Variants in HUWE1 observed in about 807,000 individuals in gnomAD.
HUWE1 encodes the protein E3 ubiquitin-protein ligase HUWE1.
Under a neutral mutation model 299.4 loss-of-function variants are expected in HUWE1, and 18 were observed. That is an observed-to-expected ratio of 0.06 (90% CI 0.04 to 0.09). The LOEUF (loss-of-function observed/expected upper bound fraction) is 0.09. Ranked by LOEUF, HUWE1 falls within the 10% of genes least tolerant of loss-of-function variation. The pLI, the probability that HUWE1 is intolerant of heterozygous loss-of-function variation, is 1.00. For synonymous variants in HUWE1, 1,317 were observed against 1,286.1 expected (o/e 1.02, Z -0.51); for missense variants, 1,832 against 3,462.3 (o/e 0.53, Z 11.82).
At chrX:53,662,763 G>A (rs2069066886) in intron 3 of HUWE1, among the ~76,000 whole-genome samples, 1 of 111,890 alleles carries the variant, frequency 8.9e-6, no homozygotes, top group African/African-American at 3.2e-5. Flanking sequence ...AGAAGGAAAG[G>A]AGGAGGCCCG....
intron 19 of HUWE1, among the ~76,000 whole-genome samples, chrX:53,621,734 T>C (rs1386505193): frequency 9.0e-6 from 1 of 111,641 alleles, no homozygotes; most frequent in Non-Finnish European, 1.9e-5. Context: ...ATCTATGTAT[T>C]AGTAACAGAG....
intron 7 of HUWE1, among the ~76,000 whole-genome samples, chrX:53,635,197 T>C (rs934211695): frequency 4.5e-5 from 5 of 110,022 alleles, no homozygotes; most frequent in African/African-American, 1.6e-4. Flanking sequence ...ATTACAAATA[T>C]AAAACATTTC....
chrX:53,558,844 G>A, intron 58 of HUWE1, 35 bp from the exon 59 acceptor site: 1 of 1,206,232 alleles, frequency 8.3e-7, no homozygotes, highest in Non-Finnish European at 1.1e-6. Flanking sequence ...AGGCTGCTCT[G>A]GTGGGGTCAG....
At chrX:53,564,791 CAA>C (rs1383615484) in intron 50 of HUWE1, 69 bp from the exon 51 acceptor site, 1 of 1,170,123 alleles carries the variant, frequency 8.5e-7, no homozygotes, top group Non-Finnish European at 1.2e-6. Flanking sequence ...GAGGCAAGCG[CAA>C]AGACAATAAG....
intron 31 of HUWE1, 124 bp downstream of exon 31, chrX:53,594,375 C>T (rs2064337395): frequency 2.6e-6 from 2 of 761,660 alleles, no homozygotes; most frequent in Non-Finnish European, 3.9e-6. Context: ...AGGATACAAC[C>T]AATAGCTATT....
rs904794292 is a variant in HUWE1 at position 53,562,993 on chromosome X, G to A, written c.7106-64C>T. The A allele has an allele frequency of 6.3e-6, 6 of 947,563 alleles. No homozygotes were observed. In the African/African-American group the frequency reaches 9.6e-5, roughly 15 times the overall value. The allele number at this position is 947,563 out of a possible 1,213,427, so 78.1% of individuals were successfully genotyped here. A position where few individuals can be genotyped will look rare whatever the true frequency, so the allele number is the denominator to read the frequency against. ...GGACTTCCCTTTCCAGACTGGGTGCGTCTAAAGTAGCTATGTACACCTAGC... is the reference window on the plus strand; with the variant it reads ...GGACTTCCCTTTCCAGACTGGGTGCATCTAAAGTAGCTATGTACACCTAGC... On this transcript the variant is annotated intron_variant, in intron 52 of 83. Transcript: ENST00000262854.
intron 43 of HUWE1, among the ~76,000 whole-genome samples, chrX:53,578,531 T>TGGG (rs2063340693): frequency 5.4e-5 from 2 of 37,123 alleles, no homozygotes; most frequent in African/African-American, 2.3e-4. Flanking sequence ...GGGAGGGAGG[T>TGGG]GGGGGGTCAG....
intron 61 of HUWE1, 144 bp from the exon 62 acceptor site, chrX:53,553,037 A>C: frequency 1.1e-5 from 7 of 620,683 alleles, no homozygotes; most frequent in South Asian, 2.5e-5. Context: ...TCTCAATCTC[A>C]CTTTGAGATT....
At chrX:53,661,184 G>A (rs1557045300) in intron 3 of HUWE1, among the ~76,000 whole-genome samples, 1 of 109,712 alleles carries the variant, frequency 9.1e-6, no homozygotes, top group African/African-American at 3.3e-5. Flanking sequence ...ACAGGCGCCC[G>A]CCACCACACC....
chrX:53,648,091 T>C, intron 5 of HUWE1, 121 bp downstream of exon 5: 2 of 539,868 alleles, frequency 3.7e-6, no homozygotes, highest in East Asian at 7.2e-5. Context: ...TGGCACATGC[T>C]AGATGCTTAT....
intron 61 of HUWE1, among the ~76,000 whole-genome samples, chrX:53,554,142 C>T (rs2061890425): frequency 9.0e-6 from 1 of 111,403 alleles, no homozygotes; most frequent in African/African-American, 3.3e-5. Context: ...AATTCTAGTT[C>T]AACCACTTAC....
intron 6 of HUWE1, 62 bp from the exon 7 acceptor site, chrX:53,645,525 C>T: frequency 9.4e-7 from 1 of 1,060,719 alleles, no homozygotes; most frequent in South Asian, 1.9e-5. Context: ...GAAAACAAAA[C>T]AAAATGTACT....
At chrX:53,647,328 C>G in intron 6 of HUWE1, 40 bp downstream of exon 6, 2 of 969,720 alleles carry the variant, frequency 2.1e-6, no homozygotes, top group African/African-American at 1.9e-5. Context: ...GTACACAATT[C>G]TAGTCAAGAA....
intron 28 of HUWE1, among the ~76,000 whole-genome samples, chrX:53,600,582 A>G (rs2064770186): frequency 8.9e-6 from 1 of 112,549 alleles, no homozygotes; most frequent in Non-Finnish European, 1.9e-5. Flanking sequence ...AGCCCAACCC[A>G]GGGGGTACCA....
chrX:53,582,856 G>A (rs1004522204), intron 42 of HUWE1, among the ~76,000 whole-genome samples: 2 of 110,464 alleles, frequency 1.8e-5, no homozygotes, highest in Non-Finnish European at 3.8e-5. Flanking sequence ...TGCCTCCCAA[G>A]TAGCTGGGAT....
chrX:53,682,120 T>A (rs1302363423), intron 2 of HUWE1, among the ~76,000 whole-genome samples: 7 of 112,537 alleles, frequency 6.2e-5, no homozygotes, highest in African/African-American at 2.3e-4. Flanking sequence ...AAAATTAGCA[T>A]ATGACACAGG....
At chrX:53,630,189 C>G (rs1004331447) in intron 12 of HUWE1, among the ~76,000 whole-genome samples, 2 of 112,145 alleles carry the variant, frequency 1.8e-5, no homozygotes, top group South Asian at 7.3e-4. Context: ...TGAGCACCCA[C>G]TAACATGCCA....
At chrX:53,561,990 CCACATGTG>C (rs2062315423) in intron 54 of HUWE1, 66 bp from the exon 55 acceptor site, 1 of 1,211,076 alleles carries the variant, frequency 8.3e-7, no homozygotes, top group South Asian at 1.8e-5. Context: ...GGTGCCATGG[CCACATGTG>C]CACATGAGGG....
rs2070318161 is a variant in HUWE1 at position 53,683,785 on chromosome X, G to C, written c.-163+2485C>G. ...AGCCAACACCTCTGTGCTGGGTCCTGGCCGGACAGACATCAGCCTCCGCCG... is the reference window on the plus strand; with the variant it reads ...AGCCAACACCTCTGTGCTGGGTCCTCGCCGGACAGACATCAGCCTCCGCCG... On this transcript the variant is annotated intron_variant, in intron 2 of 83. Coordinates refer to ENST00000262854, the MANE Select transcript of HUWE1 (RefSeq NM_031407.7). 6 of 281,292 alleles carry C rather than the reference G, an allele frequency of 2.1e-5. No homozygotes were observed. In the South Asian group the frequency reaches 1.4e-3, roughly 65 times the overall value. The allele number at this position is 281,292 out of a possible 1,213,427, so 23.2% of individuals were successfully genotyped here.
Sources: gnomAD v4.1 joint callset for allele counts (sites outside exome capture counted in the v4.1 genomes callset) on GRCh38, gnomAD v4.1.1 for gene constraint, MANE v1.5 for transcripts, NCBI Gene and HGNC (gene_info 2026-07-23, HGNC 2026-07-21) for gene names.